EPB41L2: variants seen among roughly 807,000 people sequenced by gnomAD.
The protein encoded by EPB41L2 is erythrocyte membrane protein band 4.1 like 2.
In EPB41L2, 43 loss-of-function variants were observed where a neutral mutation model predicts 113.0. That is an observed-to-expected ratio of 0.38 (90% confidence interval 0.30 to 0.49). The LOEUF is 0.49. Among genes scored for constraint, EPB41L2 ranks in the 20% least tolerant of loss-of-function variants. The pLI, the probability that EPB41L2 is intolerant of heterozygous loss-of-function variation, is 0.95. For synonymous variants in EPB41L2, 442 were observed against 436.7 expected (o/e 1.01, Z -0.15); for missense variants, 1,147 against 1,223.4 (o/e 0.94, Z 0.93).
chr6:130,955,016 C>T, intron 3 of EPB41L2, 89 bp downstream of exon 3: 1 of 1,158,346 alleles, frequency 8.6e-7, no homozygotes. Context: ...AACTGGCTTA[C>T]AGGAACTTAA....
At chr6:131,055,985 C>T (rs189288487) in intron 1 of EPB41L2, among the ~76,000 whole-genome samples, 14 of 152,152 alleles carry the variant, frequency 9.2e-5, no homozygotes, top group Non-Finnish European at 1.9e-4. Flanking sequence ...GCAGCTGATG[C>T]GTGACAGCAC....
chr6:131,024,112 C>T (rs1375938073), intron 1 of EPB41L2, among the ~76,000 whole-genome samples: 1 of 151,914 alleles, frequency 6.6e-6, no homozygotes, highest in Non-Finnish European at 1.5e-5. Flanking sequence ...GAAGGAGAAG[C>T]CAAATGCTGT....
At chr6:130,958,239 G>T (rs1316847710) in intron 1 of EPB41L2, among the ~76,000 whole-genome samples, 1 of 152,096 alleles carries the variant, frequency 6.6e-6, no homozygotes. Flanking sequence ...ACCACTTGAG[G>T]TCAGGAGTTC....
intron 19 of EPB41L2, among the ~76,000 whole-genome samples, chr6:130,850,967 C>T (rs1242500690): frequency 6.6e-6 from 1 of 152,188 alleles, no homozygotes; most frequent in African/African-American, 2.4e-5. Context: ...CTAAAACTCA[C>T]TAAACCAAAA....
intron 1 of EPB41L2, among the ~76,000 whole-genome samples, chr6:131,019,974 C>T (rs1789075199): frequency 6.6e-6 from 1 of 152,098 alleles, no homozygotes; most frequent in Non-Finnish European, 1.5e-5. Context: ...CCAACAACCA[C>T]TATTTTTTAG....
At position 130,839,953 on chromosome 6, in the gene EPB41L2, C is replaced by T. The variant is rs1362717318; in HGVS notation, c.*651G>A. 6.6e-6 allele frequency: 1 copy of T among 152,168 alleles called. No homozygotes were observed. The highest frequency in any genetic ancestry group is 2.4e-5 in the African/African-American group (1 of 41,432). 9.4% of individuals were successfully genotyped at this position (152,168 alleles called of 1,614,324 possible). A position where few individuals can be genotyped will look rare whatever the true frequency, so the allele number is the denominator to read the frequency against. On this transcript the variant is annotated 3_prime_UTR_variant, in exon 20 of 20. Transcript: ENST00000337057. ...TCTCCAGTCCAGAGATTCTGACTCT[C>T]TACTAAAAGTAGAAAGTCACAGGAC... is the stretch of plus-strand genomic sequence containing the variant.
At chr6:130,860,753 C>G (rs1781767204) in intron 18 of EPB41L2, among the ~76,000 whole-genome samples, 1 of 152,060 alleles carries the variant, frequency 6.6e-6, no homozygotes, top group Admixed American at 6.5e-5. Flanking sequence ...CCAGGATGGT[C>G]TCGATCTCCT....
intron 1 of EPB41L2, among the ~76,000 whole-genome samples, chr6:131,008,463 T>C (rs1786119235): frequency 6.6e-6 from 1 of 152,214 alleles, no homozygotes; most frequent in African/African-American, 2.4e-5. Flanking sequence ...GCTAGGGCAG[T>C]GCGGAAGGGA....
intron 13 of EPB41L2, chr6:130,878,536 C>T (rs1461346548): frequency 5.3e-5 from 15 of 281,538 alleles, no homozygotes; most frequent in Non-Finnish European, 7.9e-5. Flanking sequence ...TAATTATTTA[C>T]ATTATCAGAA....
At chr6:131,058,733 C>T (rs1016379451) in intron 1 of EPB41L2, among the ~76,000 whole-genome samples, 3 of 152,042 alleles carry the variant, frequency 2.0e-5, no homozygotes, top group Non-Finnish European at 2.9e-5. Flanking sequence ...AACTATAAAC[C>T]GGCTGGGTGC....
chr6:130,846,232 T>C (rs2128400224), intron 19 of EPB41L2, among the ~76,000 whole-genome samples: 1 of 152,238 alleles, frequency 6.6e-6, no homozygotes, highest in East Asian at 1.9e-4. Flanking sequence ...CAGGATGTCA[T>C]ACAGTTTGAT....
At chr6:131,034,345 C>T (rs1334841714) in intron 1 of EPB41L2, among the ~76,000 whole-genome samples, 4 of 152,160 alleles carry the variant, frequency 2.6e-5, no homozygotes, top group Non-Finnish European at 4.4e-5. Flanking sequence ...TAGTGTCATA[C>T]GCCTGTAATC....
intron 19 of EPB41L2, among the ~76,000 whole-genome samples, chr6:130,842,786 A>G (rs941706018): frequency 6.6e-6 from 1 of 152,242 alleles, no homozygotes; most frequent in African/African-American, 2.4e-5. Context: ...TGATCTCAAA[A>G]AACTTCAACA....
intron 1 of EPB41L2, among the ~76,000 whole-genome samples, chr6:130,965,637 C>G (rs971146624): frequency 2.1e-5 from 2 of 93,380 alleles, no homozygotes. Context: ...AATGGATAAA[C>G]AGTTATCAAA....
intron 3 of EPB41L2, among the ~76,000 whole-genome samples, chr6:130,935,483 C>T (rs1360784370): frequency 2.0e-5 from 3 of 152,076 alleles, no homozygotes; most frequent in Non-Finnish European, 4.4e-5. Context: ...ATAAGCAACT[C>T]GGTAAGCTTA....
chr6:130,866,996 G>A (rs940817140), intron 16 of EPB41L2, among the ~76,000 whole-genome samples: 8 of 152,088 alleles, frequency 5.3e-5, no homozygotes, highest in African/African-American at 1.9e-4. Flanking sequence ...GTGTGTGTAT[G>A]TGTGTTATTA....
At chr6:130,905,108 G>A (rs1486917581) in intron 5 of EPB41L2, among the ~76,000 whole-genome samples, 2 of 152,104 alleles carry the variant, frequency 1.3e-5, no homozygotes, top group Middle Eastern at 3.2e-3. Context: ...CCAGGTTTTA[G>A]TAGAGTAGGT....
chr6:130,916,210 A>C lies in EPB41L2; in HGVS notation c.811-7347T>G, dbSNP rs987045555. 7.2e-5 allele frequency among the ~76,000 whole-genome samples: 11 copies of C among 152,324 alleles called. 1 individual carries two copies. The highest frequency in any genetic ancestry group is 6.5e-4 in the Admixed American group (10 of 15,298). Reference sequence around the variant, plus strand: ...AAGGTTACAGAATTTTTTTTAAACTAAGCAGCACAGTGAATAGCTGTACTT... The same window carrying C: ...AAGGTTACAGAATTTTTTTTAAACTCAGCAGCACAGTGAATAGCTGTACTT... On this transcript the variant is annotated intron_variant, in intron 4 of 19. Coordinates refer to ENST00000337057, the MANE Select transcript of EPB41L2 (RefSeq NM_001431.4).
In EPB41L2 at chr6:130,895,127, G is replaced by C. The variant is rs546820393; in HGVS notation, c.1237-8C>G. The stretch of plus-strand genomic sequence containing the variant: ...GTCCACACCTTCTGAGTCCTGCCAA[G>C]CATAACCCAATTAACCATGGTTAAG... On this transcript the variant is annotated splice_polypyrimidine_tract_variant and splice_region_variant and intron_variant, in intron 8 of 19. Transcript: ENST00000337057. 1 of 1,599,688 alleles carries C rather than the reference G, an allele frequency of 6.3e-7. No individual in the cohort carries two copies. The highest frequency in any genetic ancestry group is 1.1e-5 in the South Asian group (1 of 88,524).
Sources: allele counts gnomAD v4.1 joint callset (sites outside exome capture counted in the v4.1 genomes callset), GRCh38; gene constraint gnomAD v4.1.1; transcripts MANE v1.5; gene names NCBI Gene and HGNC (gene_info 2026-07-23, HGNC 2026-07-21).